LRMDA: variants seen among roughly 807,000 people sequenced by gnomAD.
LRMDA encodes the protein leucine-rich melanocyte differentiation-associated protein.
LRMDA carries 18 observed loss-of-function variants against 29.8 expected under a neutral mutation model. That is an observed-to-expected ratio of 0.60 (90% CI 0.42 to 0.90). The LOEUF (loss-of-function observed/expected upper bound fraction) is 0.90. LRMDA is among the 40% of genes least tolerant of loss of function. The pLI, the probability that LRMDA is intolerant of heterozygous loss-of-function variation, is 0.00. For missense variants in LRMDA, 273 were observed against 273.9 expected (o/e 1.00, Z 0.02); for synonymous variants, 125 against 109.4 (o/e 1.14, Z -0.89).
At chr10:75,614,776 GTGTT>G (rs1314842485) in intron 2 of LRMDA, among the ~76,000 whole-genome samples, 1 of 151,852 alleles carries the variant, frequency 6.6e-6, no homozygotes. Context: ...GATATCAGTG[GTGTT>G]TGTTTTTTTT....
intron 2 of LRMDA, among the ~76,000 whole-genome samples, chr10:75,690,944 T>C (rs1842136629): frequency 6.8e-6 from 1 of 146,758 alleles, no homozygotes; most frequent in Admixed American, 6.9e-5. Flanking sequence ...TGAGCCATTG[T>C]GCAACAGAGC....
chr10:75,643,119 A>G (rs560811862), intron 2 of LRMDA: 39 of 152,118 alleles, frequency 2.6e-4, no homozygotes, highest in African/African-American at 9.4e-4. Flanking sequence ...TTTTTTTGAC[A>G]ATTTCTCTTA....
chr10:75,987,961 G>T (rs1847289872), intron 2 of LRMDA, among the ~76,000 whole-genome samples: 1 of 152,166 alleles, frequency 6.6e-6, no homozygotes, highest in Non-Finnish European at 1.5e-5. Flanking sequence ...ATATTCATTT[G>T]GCATTAGCAT....
intron 2 of LRMDA, among the ~76,000 whole-genome samples, chr10:75,907,306 A>G (rs916540357): frequency 1.3e-5 from 2 of 152,240 alleles, no homozygotes; most frequent in African/African-American, 4.8e-5. Context: ...ATTCAGGGTA[A>G]TGATGATTTA....
chr10:76,264,903 A>C (rs1208118734), intron 5 of LRMDA, among the ~76,000 whole-genome samples: 1 of 152,226 alleles, frequency 6.6e-6, no homozygotes, highest in Non-Finnish European at 1.5e-5. Context: ...TGTCTGTGAT[A>C]GTGCAACCTT....
chr10:76,457,234 T>C (rs1842465722), intron 6 of LRMDA, among the ~76,000 whole-genome samples: 2 of 152,254 alleles, frequency 1.3e-5, no homozygotes, highest in Non-Finnish European at 2.9e-5. Context: ...GCGTCAGCCA[T>C]GGGACAAGTA....
At chr10:76,109,663 T>G (rs1849544112) in intron 5 of LRMDA, among the ~76,000 whole-genome samples, 1 of 152,230 alleles carries the variant, frequency 6.6e-6, no homozygotes, top group African/African-American at 2.4e-5. Context: ...AGCGATTCAG[T>G]GCAGTGTGTA....
intron 2 of LRMDA, among the ~76,000 whole-genome samples, chr10:75,648,279 C>A (rs1250339816): frequency 6.6e-6 from 1 of 152,166 alleles, no homozygotes; most frequent in Non-Finnish European, 1.5e-5. Context: ...AACCAAGGTT[C>A]TGTGTCTCTG....
chr10:75,857,166 C>T (rs1411499610), intron 2 of LRMDA, among the ~76,000 whole-genome samples: 2 of 152,182 alleles, frequency 1.3e-5, no homozygotes, highest in South Asian at 2.1e-4. Flanking sequence ...CAGATTTGTG[C>T]TGAGGATTAA....
At chr10:76,523,071 G>T (rs1247511783) in intron 6 of LRMDA, among the ~76,000 whole-genome samples, 3 of 151,636 alleles carry the variant, frequency 2.0e-5, no homozygotes, top group Non-Finnish European at 4.4e-5. Flanking sequence ...ATGGGTACCT[G>T]CCAGCCATCT....
At chr10:76,105,434 G>A (rs1849465538) in intron 5 of LRMDA, among the ~76,000 whole-genome samples, 1 of 152,046 alleles carries the variant, frequency 6.6e-6, no homozygotes, top group Non-Finnish European at 1.5e-5. Flanking sequence ...GGGGGGAAGA[G>A]TCTTTACACA....
At chr10:76,422,808 C>T (rs1842084029) in intron 6 of LRMDA, among the ~76,000 whole-genome samples, 1 of 152,192 alleles carries the variant, frequency 6.6e-6, no homozygotes, top group Non-Finnish European at 1.5e-5. Context: ...TACCCCTACA[C>T]ATACAGCCAA....
chr10:76,324,604 C>G (rs1265627913), intron 6 of LRMDA, 119 bp downstream of exon 6: 4 of 830,702 alleles, frequency 4.8e-6, no homozygotes, highest in Non-Finnish European at 7.8e-6. Flanking sequence ...CTTTTTAAGT[C>G]CTTGATGAGA....
intron 2 of LRMDA, among the ~76,000 whole-genome samples, chr10:75,653,907 G>A (rs1239364870): frequency 2.0e-5 from 3 of 152,030 alleles, no homozygotes; most frequent in African/African-American, 7.3e-5. Flanking sequence ...CTTTTTCCAC[G>A]TCTCTCTGAC....
At chr10:76,337,993 A>G (rs879748923) in intron 6 of LRMDA, among the ~76,000 whole-genome samples, 9 of 152,040 alleles carry the variant, frequency 5.9e-5, no homozygotes, top group Non-Finnish European at 1.3e-4. Context: ...GATTATTTTA[A>G]CACTGTTTAC....
chr10:75,647,339 C>T (rs1434827005), intron 2 of LRMDA, among the ~76,000 whole-genome samples: 2 of 152,060 alleles, frequency 1.3e-5, no homozygotes, highest in Non-Finnish European at 2.9e-5. Flanking sequence ...GGTTTTCAGC[C>T]CCATGAAGGA....
At chr10:75,565,191 C>T (rs143176965) in intron 2 of LRMDA, among the ~76,000 whole-genome samples, 1 of 152,316 alleles carries the variant, frequency 6.6e-6, no homozygotes, top group East Asian at 1.9e-4. Context: ...GTCACATGAC[C>T]TTGGCAGGTC....
intron 6 of LRMDA, among the ~76,000 whole-genome samples, chr10:76,469,357 T>TC (rs1464474321): frequency 2.6e-5 from 4 of 152,166 alleles, no homozygotes; most frequent in African/African-American, 9.7e-5. Context: ...AGACTACTGT[T>TC]CTCTGCCCAC....
chr10:75,473,673 A>T (rs1454784083), intron 2 of LRMDA, among the ~76,000 whole-genome samples: 1 of 152,216 alleles, frequency 6.6e-6, no homozygotes, highest in African/African-American at 2.4e-5. Flanking sequence ...TCTGTGGCTC[A>T]GTTTCCTCAT....
Sources: gnomAD v4.1 joint callset for allele counts (sites outside exome capture counted in the v4.1 genomes callset) on GRCh38, gnomAD v4.1.1 for gene constraint, MANE v1.5 for transcripts, NCBI Gene and HGNC (gene_info 2026-07-23, HGNC 2026-07-21) for gene names.